Variants in PRKG1 observed in about 807,000 individuals in gnomAD.
PRKG1 encodes the protein protein kinase cGMP-dependent 1, also known as cGMP-dependent protein kinase 1.
PRKG1 carries 35 observed loss-of-function variants against 88.1 expected under a neutral mutation model. The observed-to-expected ratio is 0.40, with a 90% CI of 0.30 to 0.53. The LOEUF (loss-of-function observed/expected upper bound fraction) is 0.53. PRKG1 is among the 20% of genes least tolerant of loss of function. The pLI is 0.59. For synonymous variants in PRKG1, 303 were observed against 292.5 expected (o/e 1.04, Z -0.37); for missense variants, 540 against 839.8 (o/e 0.64, Z 4.41).
chr10:52,241,378 A>C (rs1840856797), intron 9 of PRKG1, among the ~76,000 whole-genome samples: 1 of 152,178 alleles, frequency 6.6e-6, no homozygotes, highest in South Asian at 2.1e-4. Context: ...TCAAGCTGTA[A>C]GTGAGCTTCG....
At chr10:51,454,889 C>T (rs762966308) in intron 2 of PRKG1, among the ~76,000 whole-genome samples, 3 of 152,184 alleles carry the variant, frequency 2.0e-5, no homozygotes, top group Non-Finnish European at 4.4e-5. Flanking sequence ...CACTTGACCC[C>T]TCCCAAATCT....
intron 3 of PRKG1, among the ~76,000 whole-genome samples, chr10:51,667,450 A>T (rs974393257): frequency 2.0e-5 from 3 of 152,202 alleles, no homozygotes; most frequent in African/African-American, 7.2e-5. Context: ...TGCTGTTGTC[A>T]ATTGTAATAG....
At chr10:51,127,235 G>T (rs1235522391) in intron 1 of PRKG1, among the ~76,000 whole-genome samples, 1 of 152,060 alleles carries the variant, frequency 6.6e-6, no homozygotes, top group East Asian at 1.9e-4. Flanking sequence ...CTAGTATCTA[G>T]AATCTACAAG....
At chr10:51,834,241 T>C (rs972209527) in intron 4 of PRKG1, among the ~76,000 whole-genome samples, 14 of 152,158 alleles carry the variant, frequency 9.2e-5, no homozygotes, top group African/African-American at 3.4e-4. Flanking sequence ...ATCTTTATGA[T>C]ACCTCCTGCC....
intron 9 of PRKG1, among the ~76,000 whole-genome samples, chr10:52,224,692 T>C (rs1470210785): frequency 6.6e-6 from 1 of 150,740 alleles, no homozygotes; most frequent in African/African-American, 2.4e-5. Flanking sequence ...TGAGAACATA[T>C]GATGTTTGAT....
intron 4 of PRKG1, among the ~76,000 whole-genome samples, chr10:51,880,180 A>G (rs1841403244): frequency 6.6e-6 from 1 of 152,190 alleles, no homozygotes; most frequent in Admixed American, 6.5e-5. Context: ...TACATTTTAC[A>G]AAGTATTTTA....
intron 3 of PRKG1, among the ~76,000 whole-genome samples, chr10:51,729,037 C>G (rs922751321): frequency 3.9e-5 from 6 of 152,146 alleles, no homozygotes; most frequent in Non-Finnish European, 8.8e-5. Context: ...TCTACCAACC[C>G]AGCAAAGACA....
At chr10:51,003,678 T>C (rs900217019) in intron 1 of PRKG1, among the ~76,000 whole-genome samples, 7 of 152,218 alleles carry the variant, frequency 4.6e-5, no homozygotes, top group Non-Finnish European at 8.8e-5. Flanking sequence ...CATTTTATTT[T>C]CTCCTCCCAA....
At chr10:51,552,478 A>G (rs2132130463) in intron 3 of PRKG1, among the ~76,000 whole-genome samples, 1 of 151,780 alleles carries the variant, frequency 6.6e-6, no homozygotes, top group East Asian at 1.9e-4. Flanking sequence ...CTTCTCACAT[A>G]TAGTAGCTAG....
intron 2 of PRKG1, among the ~76,000 whole-genome samples, chr10:51,306,983 T>G (rs2132481759): frequency 6.6e-6 from 1 of 152,294 alleles, no homozygotes; most frequent in Admixed American, 6.5e-5. Context: ...ACCTGCTGCC[T>G]TACACATTTC....
rs143108315 is a variant in PRKG1 at position 52,039,689 on chromosome 10, T to C, written c.763-14795T>C. On this transcript the variant is annotated intron_variant, in intron 5 of 17. Transcript: ENST00000373980. ...TAACCTAGGAAGGGACCTAGGACCC[T>C]GTGCAGCCTGTGTTCTTTCTGACTG... Among the ~76,000 whole-genome samples the C allele has an allele frequency of 3.0e-3, 455 of 152,308 alleles. 3 individuals are homozygous for C. Among genetic ancestry groups the C allele is most frequent in the African/African-American group, 0.01 (428 of 41,570 alleles).
At chr10:51,556,504 C>A (rs956349521) in intron 3 of PRKG1, among the ~76,000 whole-genome samples, 12 of 151,692 alleles carry the variant, frequency 7.9e-5, no homozygotes, top group Admixed American at 1.3e-4. Context: ...CAATGGTGGA[C>A]TGGAAATGAA....
intron 2 of PRKG1, among the ~76,000 whole-genome samples, chr10:51,416,531 C>G (rs544745381): frequency 1.3e-5 from 2 of 152,224 alleles, no homozygotes; most frequent in East Asian, 1.9e-4. Context: ...CAGTTTCAAA[C>G]TATGCCACCG....
intron 8 of PRKG1, among the ~76,000 whole-genome samples, chr10:52,144,963 G>A (rs1474199860): frequency 1.3e-5 from 2 of 152,198 alleles, no homozygotes; most frequent in African/African-American, 4.8e-5. Context: ...ATAGATGTAT[G>A]TAATAGATAA....
At chr10:52,124,426 GC>G (rs1388419939) in intron 7 of PRKG1, among the ~76,000 whole-genome samples, 1 of 152,058 alleles carries the variant, frequency 6.6e-6, no homozygotes, top group Non-Finnish European at 1.5e-5. Flanking sequence ...AAAAGGTAAA[GC>G]AAAAATATAC....
chr10:51,615,949 C>T (rs1839041925), intron 3 of PRKG1, among the ~76,000 whole-genome samples: 1 of 152,042 alleles, frequency 6.6e-6, no homozygotes, highest in Admixed American at 6.6e-5. Context: ...TCACTTCCTC[C>T]CATTTTTAAA....
In PRKG1 at chr10:51,984,601, A is replaced by C. The variant is rs562009969; in HGVS notation, c.763-69883A>C. On this transcript the variant is annotated intron_variant, in intron 5 of 17. Coordinates refer to ENST00000373980, the MANE Select transcript of PRKG1 (RefSeq NM_006258.4). The stretch of plus-strand genomic sequence containing the variant: ...TAATACCTGTAGATGCAACATTGCA[A>C]AGTGAACTTCAAGGAATTATTAATA... 1.3e-4 allele frequency among the ~76,000 whole-genome samples: 20 copies of C among 152,302 alleles called. No homozygotes were observed. The South Asian group carries it at 4.1e-3, about 32-fold the overall frequency.
At chr10:51,896,983 T>C (rs569669575) in intron 4 of PRKG1, among the ~76,000 whole-genome samples, 4 of 152,248 alleles carry the variant, frequency 2.6e-5, no homozygotes, top group Non-Finnish European at 5.9e-5. Context: ...GGGCTAAACA[T>C]TGCTAAAAGA....
intron 7 of PRKG1, among the ~76,000 whole-genome samples, chr10:52,091,214 C>G (rs1490384594): frequency 6.6e-6 from 1 of 152,124 alleles, no homozygotes; most frequent in Non-Finnish European, 1.5e-5. Flanking sequence ...AATTGAGGCC[C>G]CCCTTTTCTT....
Sources: allele counts gnomAD v4.1 joint callset (sites outside exome capture counted in the v4.1 genomes callset), GRCh38; gene constraint gnomAD v4.1.1; transcripts MANE v1.5; gene names NCBI Gene and HGNC (gene_info 2026-07-23, HGNC 2026-07-21).